The following AGBL3 variants were observed in gnomAD, a reference collection of about 807,000 sequenced individuals.
AGBL3 encodes cytosolic carboxypeptidase 3.
A neutral mutation model predicts 94.5 loss-of-function variants in AGBL3; 68 were observed. The observed-to-expected ratio is 0.72, with a 90% confidence interval of 0.59 to 0.88. The LOEUF is 0.88. AGBL3 is among the 40% of genes least tolerant of loss of function. The pLI is 0.00. For missense variants in AGBL3, 934 were observed against 1,103.8 expected, an observed-to-expected ratio of 0.85 and a Z score of 2.18; for synonymous variants, 354 against 370.7, an observed-to-expected ratio of 0.95 and a Z score of 0.52.
chr7:135,115,717 A>G (rs932840286), intron 16 of AGBL3, 106 bp downstream of exon 16: 3 of 921,060 alleles, frequency 3.3e-6, no homozygotes, highest in Non-Finnish European at 3.2e-6. Context: ...GCTCTTGAAA[A>G]TGATGTCAGC....
intron 5 of AGBL3, 143 bp downstream of exon 5, chr7:135,017,302 C>A: frequency 1.6e-6 from 1 of 641,682 alleles, no homozygotes. Context: ...TATATTGATC[C>A]AAGTGTTGAT....
intron 15 of AGBL3, among the ~76,000 whole-genome samples, chr7:135,112,884 TCCTCTG>T (rs1825835127): frequency 6.6e-6 from 1 of 152,182 alleles, no homozygotes; most frequent in Non-Finnish European, 1.5e-5. Context: ...TTCAAGCAAT[TCCTCTG>T]CCTCAGCCTC....
At chr7:135,069,392 A>T (rs997302970) in intron 12 of AGBL3, among the ~76,000 whole-genome samples, 9 of 152,226 alleles carry the variant, frequency 5.9e-5, no homozygotes, top group African/African-American at 2.2e-4. Flanking sequence ...ACATCTACAG[A>T]ACTCTCCACC....
intron 3 of AGBL3, among the ~76,000 whole-genome samples, chr7:134,990,495 C>T (rs993778574): frequency 6.6e-5 from 10 of 152,152 alleles, no homozygotes; most frequent in Non-Finnish European, 1.0e-4. Context: ...TTTAGCCATC[C>T]ATTCATGCTC....
At chr7:135,066,000 CG>C (rs1478877371) in intron 12 of AGBL3, among the ~76,000 whole-genome samples, 1 of 152,106 alleles carries the variant, frequency 6.6e-6, no homozygotes, top group African/African-American at 2.4e-5. Flanking sequence ...AACACTTAAA[CG>C]TAAGACCTGA....
intron 15 of AGBL3, chr7:135,093,707 T>A (rs1004750780): frequency 1.3e-5 from 2 of 152,182 alleles, no homozygotes; most frequent in African/African-American, 4.8e-5. Context: ...TTCAGTGCAA[T>A]CCCTATCAAA....
chr7:135,130,130 A>C (rs1828527317), intron 16 of AGBL3, among the ~76,000 whole-genome samples: 1 of 152,156 alleles, frequency 6.6e-6, no homozygotes, highest in Non-Finnish European at 1.5e-5. Context: ...AAGCCTTATG[A>C]AAATTATACT....
intron 12 of AGBL3, among the ~76,000 whole-genome samples, chr7:135,073,594 T>C (rs1820172733): frequency 1.3e-5 from 2 of 152,174 alleles, no homozygotes; most frequent in African/African-American, 4.8e-5. Context: ...AAGGGGTTTA[T>C]TCAGCTGGGA....
chr7:135,006,334 A>G (rs1462092794), intron 4 of AGBL3, among the ~76,000 whole-genome samples: 1 of 151,948 alleles, frequency 6.6e-6, no homozygotes, highest in African/African-American at 2.4e-5. Flanking sequence ...TGAAAACTTA[A>G]GGTTTTTTAA....
intron 5 of AGBL3, among the ~76,000 whole-genome samples, chr7:135,022,428 C>CT (rs1171992055): frequency 6.6e-6 from 1 of 151,772 alleles, no homozygotes; most frequent in African/African-American, 2.4e-5. Flanking sequence ...TGATGATGAG[C>CT]TTTTCTTCAT....
At chr7:135,089,068 C>CT (rs34089787) in intron 15 of AGBL3, among the ~76,000 whole-genome samples, 37 of 148,254 alleles carry the variant, frequency 2.5e-4, no homozygotes, top group Non-Finnish European at 4.3e-4. Context: ...GTTTTTCATT[C>CT]TTTTTTTTTT....
At chr7:135,000,025 T>A (rs1811516362) in intron 4 of AGBL3, among the ~76,000 whole-genome samples, 1 of 152,292 alleles carries the variant, frequency 6.6e-6, no homozygotes. Context: ...TAGGCTCCAG[T>A]GGAAAAGAGA....
chr7:135,078,294 A>G (rs762358490), intron 13 of AGBL3, among the ~76,000 whole-genome samples: 16 of 152,228 alleles, frequency 1.1e-4, no homozygotes, highest in Admixed American at 6.5e-5. Context: ...CTGAGGACCA[A>G]CATCAGAGGC....
intron 5 of AGBL3, among the ~76,000 whole-genome samples, chr7:135,024,704 C>T (rs760237527): frequency 6.6e-6 from 1 of 152,068 alleles, no homozygotes; most frequent in African/African-American, 2.4e-5. Context: ...GGAATCTTAT[C>T]GAGATTCAGG....
At chr7:135,074,602 C>T (rs535253419) in intron 12 of AGBL3, among the ~76,000 whole-genome samples, 1 of 152,208 alleles carries the variant, frequency 6.6e-6, no homozygotes, top group Non-Finnish European at 1.5e-5. Context: ...CTTTCCCTCT[C>T]TCCTCTCTCC....
chr7:135,042,137 C>T (rs966666619), intron 8 of AGBL3, among the ~76,000 whole-genome samples: 3 of 152,120 alleles, frequency 2.0e-5, no homozygotes, highest in Admixed American at 6.6e-5. Context: ...GTAAATTGTA[C>T]ACTTATATGA....
chr7:135,073,724 A>T (rs982145161), intron 12 of AGBL3, among the ~76,000 whole-genome samples: 9 of 151,942 alleles, frequency 5.9e-5, no homozygotes, highest in African/African-American at 1.9e-4. Context: ...TTGAGCAAGC[A>T]GGGGGTACGT....
intron 12 of AGBL3, among the ~76,000 whole-genome samples, chr7:135,073,695 A>G (rs1282685441): frequency 6.6e-6 from 1 of 151,918 alleles, no homozygotes; most frequent in Non-Finnish European, 1.5e-5. Flanking sequence ...GGGGGTCTGC[A>G]TGATAGGGTC....
chr7:135,085,495 G>A (rs374886199), intron 15 of AGBL3, among the ~76,000 whole-genome samples: 1 of 152,034 alleles, frequency 6.6e-6, no homozygotes, highest in African/African-American at 2.4e-5. Context: ...TTACATTTAA[G>A]TTCTTAGTCC....
Sources: gnomAD v4.1 joint callset for allele counts (sites outside exome capture counted in the v4.1 genomes callset) on GRCh38, gnomAD v4.1.1 for gene constraint, MANE v1.5 for transcripts, NCBI Gene and HGNC (gene_info 2026-07-23, HGNC 2026-07-21) for gene names.